Variants in ENOX2 observed in about 807,000 individuals in gnomAD.
ENOX2 encodes APK1 antigen.
ENOX2 carries 36 observed loss-of-function variants against 45.0 expected under a neutral mutation model. The ratio of observed to expected loss-of-function variants is 0.80; its 90% CI spans 0.61 to 1.06. ENOX2 has a LOEUF of 1.06. Ranked by LOEUF, ENOX2 falls within the 50% of genes least tolerant of loss-of-function variation. The probability of loss-of-function intolerance (pLI) is 0.00; values close to 1 mark genes in which losing one functional copy is unlikely to be tolerated. For synonymous variants in ENOX2, 174 were observed against 152.3 expected (o/e 1.14, Z -1.05); for missense variants, 423 against 462.5 (o/e 0.91, Z 0.78).
intron 2 of ENOX2, among the ~76,000 whole-genome samples, chrX:130,873,552 C>A (rs969282301): frequency 9.0e-6 from 1 of 111,424 alleles, no homozygotes; most frequent in Non-Finnish European, 1.9e-5. Context: ...GGGTATATAC[C>A]CAAAGGATTA....
chrX:130,780,609 G>C (rs961564893), intron 3 of ENOX2, among the ~76,000 whole-genome samples: 2 of 111,689 alleles, frequency 1.8e-5, no homozygotes, highest in African/African-American at 6.5e-5. Context: ...ATTGTTAATA[G>C]CATCAAATGA....
intron 2 of ENOX2, among the ~76,000 whole-genome samples, chrX:130,849,699 A>T (rs2078174231): frequency 8.9e-6 from 1 of 112,297 alleles, no homozygotes. Context: ...TTTAGGTTTT[A>T]GTTCTAAGAG....
chrX:130,780,351 C>T (rs2039942555), intron 3 of ENOX2, among the ~76,000 whole-genome samples: 1 of 111,907 alleles, frequency 8.9e-6, no homozygotes, highest in Admixed American at 9.5e-5. Context: ...TAACTTTAGA[C>T]ACAGTAACTT....
intron 10 of ENOX2, among the ~76,000 whole-genome samples, chrX:130,647,901 A>G (rs2036282667): frequency 9.0e-6 from 1 of 111,496 alleles, no homozygotes. Flanking sequence ...GTTTTCTTAG[A>G]TGGTAAGTTG....
intron 3 of ENOX2, among the ~76,000 whole-genome samples, 168 bp downstream of exon 3, chrX:130,783,379 C>A (rs904635359): frequency 4.5e-5 from 5 of 111,690 alleles, no homozygotes; most frequent in African/African-American, 1.3e-4. Flanking sequence ...CGTGTATGTG[C>A]TTTTCCCTCC....
At chrX:130,750,447 G>C (rs2039192466) in intron 3 of ENOX2, among the ~76,000 whole-genome samples, 1 of 110,384 alleles carries the variant, frequency 9.1e-6, no homozygotes, top group Non-Finnish European at 1.9e-5. Flanking sequence ...TGTTTCTCTG[G>C]GTGTCTGCAT....
intron 3 of ENOX2, among the ~76,000 whole-genome samples, chrX:130,734,431 T>C (rs1248177490): frequency 9.0e-6 from 1 of 111,477 alleles, no homozygotes; most frequent in Non-Finnish European, 1.9e-5. Context: ...GCAGGCCATA[T>C]GACAGCTCTC....
chrX:130,748,060 C>G (rs895483351), intron 3 of ENOX2, among the ~76,000 whole-genome samples: 2 of 112,016 alleles, frequency 1.8e-5, no homozygotes, highest in African/African-American at 6.5e-5. Flanking sequence ...ACAAAGGGCA[C>G]AGAAGGTTGG....
At chrX:130,878,925 C>A (rs1470675747) in intron 2 of ENOX2, among the ~76,000 whole-genome samples, 1 of 112,243 alleles carries the variant, frequency 8.9e-6, no homozygotes, top group Non-Finnish European at 1.9e-5. Context: ...AAATGCCACC[C>A]ATAAAACCTT....
rs765947545 is a variant in ENOX2, at chrX:130,679,501, G to A, written c.460+41C>T. 7 of 1,051,495 alleles carry A rather than the reference G, an allele frequency of 6.7e-6. 1 individual carries two copies. The South Asian group carries it at 7.5e-5, about 11-fold the overall frequency. 86.7% of individuals were successfully genotyped at this position (1,051,495 alleles called of 1,213,427 possible). ...AAATAGTTCTATCTTTAATATCTGC[G>A]TTGTGCCTGGTGGGCACAATCCTCA... On this transcript the variant is annotated intron_variant, in intron 6 of 14. Coordinates refer to ENST00000394363, the MANE Select transcript of ENOX2 (RefSeq NM_006375.4).
intron 3 of ENOX2, among the ~76,000 whole-genome samples, chrX:130,741,206 T>C (rs1402567627): frequency 1.8e-5 from 2 of 111,890 alleles, no homozygotes; most frequent in Non-Finnish European, 3.8e-5. Context: ...GAGATGATGT[T>C]GAACAAGTAA....
At chrX:130,822,350 A>AT in intron 2 of ENOX2, among the ~76,000 whole-genome samples, 1 of 112,158 alleles carries the variant, frequency 8.9e-6, no homozygotes, top group African/African-American at 3.2e-5. Context: ...GAATTTTGAT[A>AT]TTTTCCGAGG....
intron 3 of ENOX2, among the ~76,000 whole-genome samples, chrX:130,780,530 A>G (rs998264005): frequency 8.9e-6 from 1 of 111,990 alleles, no homozygotes; most frequent in African/African-American, 3.2e-5. Flanking sequence ...TGAAGGAGAC[A>G]GTAAAGGAAG....
chrX:130,787,697 A>G (rs774965556), intron 2 of ENOX2, among the ~76,000 whole-genome samples: 4 of 112,065 alleles, frequency 3.6e-5, no homozygotes, highest in Admixed American at 9.5e-5. Flanking sequence ...TAGTTATTTT[A>G]TTAATTACAT....
Position 130,790,738 on chromosome X carries a change from C to T in ENOX2, c.-182-7048G>A, listed in dbSNP as rs143523128. ...TCAAAATATCATCCTTCCTTTAGGG[C>T]TTATCTCAGATGCTATTTCCTTCAT... On this transcript the variant is annotated intron_variant, in intron 2 of 14. Transcript: ENST00000394363. 9.2e-3 allele frequency among the ~76,000 whole-genome samples: 1,031 copies of T among 111,746 alleles called. 16 individuals are homozygous for T. The highest frequency in any genetic ancestry group is 0.031 in the African/African-American group (970 of 30,795).
rs1303068595 is a variant in ENOX2 at position 130,744,998 on chromosome X, T to C, written c.-39+38549A>G. Among the ~76,000 whole-genome samples the C allele has an allele frequency of 7.2e-5, 8 of 111,728 alleles. No homozygotes were observed. The East Asian group carries it at 2.0e-3, about 28-fold the overall frequency. ...TTATGAGAATCTAAATAATGCCTGA[T>C]GATCTGAGGTGGAACAGTTTCATCC... On this transcript the variant is annotated intron_variant, in intron 3 of 14. Coordinates refer to ENST00000394363, the MANE Select transcript of ENOX2 (RefSeq NM_006375.4).
intron 2 of ENOX2, among the ~76,000 whole-genome samples, chrX:130,785,824 T>C (rs2076961317): frequency 8.9e-6 from 1 of 112,294 alleles, no homozygotes; most frequent in African/African-American, 3.2e-5. Flanking sequence ...CAGAATGGCA[T>C]AGTGGAAAGA....
At chrX:130,789,936 T>C (rs191911012) in intron 2 of ENOX2, among the ~76,000 whole-genome samples, 47 of 112,422 alleles carry the variant, frequency 4.2e-4, no homozygotes, top group African/African-American at 1.4e-3. Context: ...CCATTCCACC[T>C]GCTACTTCTG....
At chrX:130,632,614 T>C (rs1383396326) in intron 12 of ENOX2, among the ~76,000 whole-genome samples, 2 of 112,014 alleles carry the variant, frequency 1.8e-5, no homozygotes, top group African/African-American at 6.5e-5. Context: ...CTGACTCAGA[T>C]GCATTTTCAC....
Sources: gnomAD v4.1 joint callset for allele counts (sites outside exome capture counted in the v4.1 genomes callset) on GRCh38, gnomAD v4.1.1 for gene constraint, MANE v1.5 for transcripts, NCBI Gene and HGNC (gene_info 2026-07-23, HGNC 2026-07-21) for gene names.